Variants in PRRX1 observed in about 807,000 individuals in gnomAD.
The protein encoded by PRRX1 is paired mesoderm homeobox protein 1.
Under a neutral mutation model 24.0 loss-of-function variants are expected in PRRX1, and 8 were observed. The ratio of observed to expected loss-of-function variants is 0.33; its 90% CI spans 0.20 to 0.60. PRRX1 has a LOEUF of 0.60. Among genes scored for constraint, PRRX1 ranks in the 20% least tolerant of loss-of-function variants. The pLI, the probability that PRRX1 is intolerant of heterozygous loss-of-function variation, is 0.82. For missense variants in PRRX1, 281 were observed against 322.4 expected (o/e 0.87, Z 0.98); for synonymous variants, 160 against 131.7 (o/e 1.22, Z -1.47).
chr1:170,670,184 G>T (rs947036138), intron 1 of PRRX1, among the ~76,000 whole-genome samples: 6 of 152,172 alleles, frequency 3.9e-5, no homozygotes, highest in Admixed American at 1.3e-4. Context: ...GTCGAATTCT[G>T]TATTTTACTT....
At chr1:170,689,860 CTCTCTCTCTCTCTCTGTGGGTGTGTGTG>C (rs1344368094) in intron 1 of PRRX1, among the ~76,000 whole-genome samples, 4 of 134,360 alleles carry the variant, frequency 3.0e-5, no homozygotes, top group Admixed American at 1.6e-4. Flanking sequence ...CTCTCTCTCT[CTCTCTCTCTCTCTCTGTGGGTGTGTGTG>C]TGTGCGTGTG....
chr1:170,719,935 G>C (rs891830766), intron 2 of PRRX1, 34 bp downstream of exon 2: 2 of 1,610,844 alleles, frequency 1.2e-6, no homozygotes, highest in Non-Finnish European at 1.7e-6. Flanking sequence ...GCACCAAGTA[G>C]TACCCTCCTC....
At chr1:170,719,654 T>C (rs1655017654) in intron 1 of PRRX1, 72 bp from the exon 2 acceptor site, 3 of 1,483,780 alleles carry the variant, frequency 2.0e-6, no homozygotes, top group Middle Eastern at 1.7e-4. Context: ...ACTATAGATA[T>C]ACCATAAAAA....
At chr1:170,686,382 G>A (rs35917873) in intron 1 of PRRX1, among the ~76,000 whole-genome samples, 1 of 152,184 alleles carries the variant, frequency 6.6e-6, no homozygotes, top group Non-Finnish European at 1.5e-5. Flanking sequence ...AGGGGAAGCA[G>A]AAGGGAAGGA....
intron 1 of PRRX1, among the ~76,000 whole-genome samples, chr1:170,715,968 T>A (rs1654891832): frequency 6.6e-6 from 1 of 152,216 alleles, no homozygotes; most frequent in African/African-American, 2.4e-5. Context: ...AAGAGTGGAA[T>A]GGAATTGGGA....
intron 1 of PRRX1, among the ~76,000 whole-genome samples, chr1:170,709,568 T>G (rs1027885185): frequency 3.9e-5 from 6 of 152,120 alleles, no homozygotes; most frequent in Middle Eastern, 3.2e-3. Context: ...GGTCACCAAG[T>G]GTACTGGAAT....
At chr1:170,731,805 G>A (rs191076626) in intron 3 of PRRX1, among the ~76,000 whole-genome samples, 6 of 152,298 alleles carry the variant, frequency 3.9e-5, no homozygotes, top group South Asian at 2.1e-4. Flanking sequence ...ATTTAAATGT[G>A]TCAGCTCTGT....
chr1:170,684,607 G>A (rs1300263627), intron 1 of PRRX1, among the ~76,000 whole-genome samples: 1 of 152,136 alleles, frequency 6.6e-6, no homozygotes, highest in East Asian at 1.9e-4. Flanking sequence ...ACAAAAATTA[G>A]CTGGGTGTGG....
intron 2 of PRRX1, among the ~76,000 whole-genome samples, chr1:170,725,743 C>A (rs1424864838): frequency 6.6e-6 from 1 of 152,146 alleles, no homozygotes; most frequent in African/African-American, 2.4e-5. Flanking sequence ...CTTCTTAAAT[C>A]TTTGTTGGAA....
chr1:170,696,762 C>T (rs1472995402), intron 1 of PRRX1, among the ~76,000 whole-genome samples: 1 of 152,140 alleles, frequency 6.6e-6, no homozygotes, highest in Non-Finnish European at 1.5e-5. Flanking sequence ...AGGAAGGAAA[C>T]AGTAAAGTTC....
At chr1:170,717,279 G>A (rs1654933984) in intron 1 of PRRX1, among the ~76,000 whole-genome samples, 1 of 152,218 alleles carries the variant, frequency 6.6e-6, no homozygotes, top group African/African-American at 2.4e-5. Flanking sequence ...AGGGGAGTTG[G>A]TGGTTTATGG....
rs565717109 is a variant in PRRX1 at position 170,710,994 on chromosome 1, A to G, written c.242-8732A>G. On this transcript the variant is annotated intron_variant, in intron 1 of 3. Transcript: ENST00000239461. Reference sequence around the variant, plus strand: ...CAGAAATTGAAAGCTTCAGATGTTAAAGAATGGTAATTTCCTCAAAAAAGT... The same window carrying G: ...CAGAAATTGAAAGCTTCAGATGTTAGAGAATGGTAATTTCCTCAAAAAAGT... Among the ~76,000 whole-genome samples the G allele has an allele frequency of 2.6e-5, 4 of 152,366 alleles. No individual in the cohort carries two copies. In the South Asian group the frequency reaches 8.3e-4, roughly 32 times the overall value.
intron 1 of PRRX1, chr1:170,667,464 T>C (rs952116809): frequency 6.6e-6 from 1 of 152,232 alleles, no homozygotes; most frequent in Admixed American, 6.5e-5. Flanking sequence ...ACGAGTCTTA[T>C]GGTAGCAAGC....
chr1:170,731,682 T>C lies in PRRX1; in HGVS notation c.600-4366T>C, dbSNP rs180727252. 2.4e-3 allele frequency among the ~76,000 whole-genome samples: 368 copies of C among 152,284 alleles called. 9 individuals are homozygous for C. The highest frequency in any genetic ancestry group is 0.023 in the Admixed American group (348 of 15,286). On this transcript the variant is annotated intron_variant, in intron 3 of 3. Coordinates refer to ENST00000239461, the MANE Select transcript of PRRX1 (RefSeq NM_022716.4). ...TAGGTTGAAATGATAAAAAATGATT[T>C]GTCCCAGTGAAAACAGTACTCCACC...
At chr1:170,724,277 A>C (rs1655181886) in intron 2 of PRRX1, among the ~76,000 whole-genome samples, 1 of 152,100 alleles carries the variant, frequency 6.6e-6, no homozygotes, top group African/African-American at 2.4e-5. Flanking sequence ...TTCTGTGCAG[A>C]AGCTCTTTAA....
At position 170,708,948 on chromosome 1, in the gene PRRX1, C is replaced by T. The variant is rs999909349; in HGVS notation, c.242-10778C>T. Among the ~76,000 whole-genome samples, 4 of 152,034 alleles carry T rather than the reference C, an allele frequency of 2.6e-5. 1 individual carries two copies. The South Asian group carries it at 8.3e-4, about 32-fold the overall frequency. On this transcript the variant is annotated intron_variant, in intron 1 of 3. Transcript: ENST00000239461. ...GGTTTGGTGGCTGAGTGTGAATGGA[C>T]CAGGTTGTTCAGAGTAGGCACTTTC...
chr1:170,681,376 A>T (rs1479893366), intron 1 of PRRX1, among the ~76,000 whole-genome samples: 2 of 152,160 alleles, frequency 1.3e-5, no homozygotes, highest in Non-Finnish European at 2.9e-5. Context: ...GGTTGAGTTC[A>T]ATGGTTTTTC....
intron 1 of PRRX1, among the ~76,000 whole-genome samples, chr1:170,674,182 CCTCTCT>C (rs144071005): frequency 3.3e-5 from 5 of 149,460 alleles, no homozygotes; most frequent in Admixed American, 6.7e-5. Context: ...CTGCCTGATA[CCTCTCT>C]CTCTCTCTCT....
At chr1:170,714,257 C>T (rs1349682530) in intron 1 of PRRX1, among the ~76,000 whole-genome samples, 1 of 152,176 alleles carries the variant, frequency 6.6e-6, no homozygotes, top group African/African-American at 2.4e-5. Flanking sequence ...AATTACACTT[C>T]CTTTCAATTT....
Sources: allele counts gnomAD v4.1 joint callset (sites outside exome capture counted in the v4.1 genomes callset), GRCh38; gene constraint gnomAD v4.1.1; transcripts MANE v1.5; gene names NCBI Gene and HGNC (gene_info 2026-07-23, HGNC 2026-07-21).